Variants in CSMD1 observed in about 807,000 individuals in gnomAD.
The protein encoded by CSMD1 is CUB and Sushi multiple domains 1, also known as CUB and sushi domain-containing protein 1.
A neutral mutation model predicts 417.5 loss-of-function variants in CSMD1; 213 were observed. The observed-to-expected ratio is 0.51, with a 90% CI of 0.46 to 0.57. CSMD1 has a LOEUF of 0.57. CSMD1 is among the 20% of genes least tolerant of loss of function. The pLI, the probability that CSMD1 is intolerant of heterozygous loss-of-function variation, is 0.00. For missense variants in CSMD1, 6,923 were observed against 4,529.7 expected (o/e 1.53, Z -15.17); for synonymous variants, 2,862 against 1,736.8 (o/e 1.65, Z -16.11).
At chr8:4,899,310 C>G (rs138308659) in intron 1 of CSMD1, among the ~76,000 whole-genome samples, 2,163 of 144,826 alleles carry the variant, frequency 0.015, 46 homozygotes, top group African/African-American at 0.053. Flanking sequence ...AACATAAATT[C>G]TTACCTTTAA....
chr8:3,198,543 T>A (rs892929481), intron 33 of CSMD1, among the ~76,000 whole-genome samples: 3 of 152,220 alleles, frequency 2.0e-5, no homozygotes, highest in Admixed American at 2.0e-4. Flanking sequence ...AGCATCTCCA[T>A]TCATTCAATG....
chr8:3,518,328 C>G (rs1310868012), intron 10 of CSMD1, among the ~76,000 whole-genome samples: 1 of 152,134 alleles, frequency 6.6e-6, no homozygotes, highest in African/African-American at 2.4e-5. Context: ...TCCTCTGGAG[C>G]TTAAATGCAA....
At chr8:4,761,445 A>T (rs915700516) in intron 1 of CSMD1, among the ~76,000 whole-genome samples, 1 of 152,064 alleles carries the variant, frequency 6.6e-6, no homozygotes, top group Non-Finnish European at 1.5e-5. Flanking sequence ...TGCTGAAATA[A>T]ATTTTACCTG....
chr8:3,429,305 T>A (rs985006965), intron 12 of CSMD1, among the ~76,000 whole-genome samples: 1 of 152,144 alleles, frequency 6.6e-6, no homozygotes. Context: ...GAAATGATAA[T>A]AAAATGCTGA....
At chr8:4,464,388 C>A (rs1045502859) in intron 2 of CSMD1, among the ~76,000 whole-genome samples, 1 of 152,170 alleles carries the variant, frequency 6.6e-6, no homozygotes, top group Non-Finnish European at 1.5e-5. Flanking sequence ...ATTTAATATA[C>A]CTAACCTGCA....
At chr8:3,488,196 G>A (rs777443119) in intron 11 of CSMD1, among the ~76,000 whole-genome samples, 1 of 151,874 alleles carries the variant, frequency 6.6e-6, no homozygotes, top group Non-Finnish European at 1.5e-5. Context: ...TTGATCTCCT[G>A]GGCACAATCG....
rs562155245 is a variant in CSMD1, at chr8:4,633,021, G to A, written c.302+4321C>T. On this transcript the variant is annotated intron_variant, in intron 2 of 69. Transcript: ENST00000635120. ...GGACTTTCTTGAATTTCAGGGTCAT[G>A]GGTACTAGAACTGTTTATGTTGCCG... 5.9e-5 allele frequency among the ~76,000 whole-genome samples: 9 copies of A among 152,206 alleles called. 1 individual carries two copies. In the South Asian group the frequency reaches 1.9e-3, roughly 32 times the overall value.
intron 2 of CSMD1, among the ~76,000 whole-genome samples, chr8:4,528,713 T>A (rs935139029): frequency 3.3e-5 from 5 of 152,180 alleles, no homozygotes; most frequent in Non-Finnish European, 7.4e-5. Flanking sequence ...TATGTACAGC[T>A]TTTTGTAGGT....
intron 3 of CSMD1, among the ~76,000 whole-genome samples, chr8:4,242,315 A>G (rs193158998): frequency 6.6e-6 from 1 of 152,328 alleles, no homozygotes; most frequent in African/African-American, 2.4e-5. Flanking sequence ...TAGTGTAATT[A>G]CAAGTGATTA....
At chr8:4,250,227 C>T (rs1237581450) in intron 3 of CSMD1, among the ~76,000 whole-genome samples, 1 of 152,148 alleles carries the variant, frequency 6.6e-6, no homozygotes, top group Non-Finnish European at 1.5e-5. Context: ...GTTACAACAA[C>T]ACAAATGTAC....
Position 2,951,202 on chromosome 8 carries a change from G to A in CSMD1, c.10113C>T (p.Ala3371=), listed in dbSNP as rs768845370. 42 of 1,612,568 alleles carry A rather than the reference G, an allele frequency of 2.6e-5. 1 individual carries two copies. The South Asian group carries it at 4.6e-4, about 18-fold the overall frequency. ...YYEYLGKRQP[A]TLTVDWFNAT... ...CATTGAACCAGTCAACAGTTAGAGT[G>A]GCGGGTTGTCTTTTCCCTAAATATT... is the stretch of plus-strand genomic sequence containing the variant. The change falls in exon 66 of 70, where the codon GCC becomes GCT. Residue 3371 remains alanine (A), a synonymous_variant. Transcript: ENST00000635120.
At chr8:4,933,399 AT>A (rs1009515252) in intron 1 of CSMD1, among the ~76,000 whole-genome samples, 4 of 152,158 alleles carry the variant, frequency 2.6e-5, no homozygotes, top group African/African-American at 9.7e-5. Flanking sequence ...ATCTGACCTT[AT>A]GGGGAAAAAA....
intron 1 of CSMD1, among the ~76,000 whole-genome samples, chr8:4,666,109 G>A (rs1354759184): frequency 6.6e-6 from 1 of 150,834 alleles, no homozygotes; most frequent in Non-Finnish European, 1.5e-5. Flanking sequence ...TGTGGTGACT[G>A]GGGGGCGCTG....
chr8:3,067,326 T>A (rs1421247169), intron 49 of CSMD1, among the ~76,000 whole-genome samples: 1 of 152,148 alleles, frequency 6.6e-6, no homozygotes, highest in Non-Finnish European at 1.5e-5. Context: ...ATGCCCATCT[T>A]TTGACCTCGA....
At chr8:3,008,061 T>C (rs1295354574) in intron 52 of CSMD1, among the ~76,000 whole-genome samples, 3 of 152,226 alleles carry the variant, frequency 2.0e-5, no homozygotes, top group Non-Finnish European at 4.4e-5. Flanking sequence ...GGATTTGAAA[T>C]AAATAAAAGC....
chr8:3,426,387 A>T (rs1813841171), intron 12 of CSMD1, among the ~76,000 whole-genome samples: 1 of 152,122 alleles, frequency 6.6e-6, no homozygotes, highest in Non-Finnish European at 1.5e-5. Context: ...CCCCTTTTGG[A>T]TCTAATTTAG....
At chr8:3,893,194 G>A (rs1054931962) in intron 5 of CSMD1, among the ~76,000 whole-genome samples, 8 of 151,390 alleles carry the variant, frequency 5.3e-5, no homozygotes, top group Admixed American at 2.6e-4. Context: ...CCCAGGGCAC[G>A]TCAGAAATAA....
intron 36 of CSMD1, among the ~76,000 whole-genome samples, chr8:3,185,367 T>C (rs946693084): frequency 6.6e-6 from 1 of 152,250 alleles, no homozygotes; most frequent in African/African-American, 2.4e-5. Context: ...ACTTCTTTTT[T>C]TCACTATTAT....
chr8:4,938,924 A>C (rs1807803193), intron 1 of CSMD1, among the ~76,000 whole-genome samples: 1 of 151,638 alleles, frequency 6.6e-6, no homozygotes, highest in African/African-American at 2.4e-5. Flanking sequence ...TATACTTGTT[A>C]AACTTTTGTG....
Sources: allele counts gnomAD v4.1 joint callset (sites outside exome capture counted in the v4.1 genomes callset), GRCh38; gene constraint gnomAD v4.1.1; transcripts MANE v1.5; gene names NCBI Gene and HGNC (gene_info 2026-07-23, HGNC 2026-07-21).